CSDE1: variants seen among roughly 807,000 people sequenced by gnomAD.
The protein encoded by CSDE1 is cold shock domain containing E1.
Under a neutral mutation model 89.3 loss-of-function variants are expected in CSDE1, and 17 were observed. The observed-to-expected ratio is 0.19, with a 90% CI of 0.13 to 0.29. The LOEUF (loss-of-function observed/expected upper bound fraction) is 0.29. Ranked by LOEUF, CSDE1 falls within the 10% of genes least tolerant of loss-of-function variation. The pLI is 1.00. For synonymous variants in CSDE1, 322 were observed against 332.8 expected, an observed-to-expected ratio of 0.97 and a Z score of 0.35; for missense variants, 672 against 984.2, an observed-to-expected ratio of 0.68 and a Z score of 4.24.
At position 114,749,855 on chromosome 1, in the gene CSDE1, G is replaced by A. The variant is rs1027361836; in HGVS notation, c.-35C>T. On this transcript the variant is annotated 5_prime_UTR_variant, in exon 2 of 20. Transcript: ENST00000358528. ...ATACTCAAATATTGCACTTTCAGTAGTATTTGCTGATTCTTCTTTTTCAGC... is the reference window on the plus strand; with the variant it reads ...ATACTCAAATATTGCACTTTCAGTAATATTTGCTGATTCTTCTTTTTCAGC... 2 of 152,610 alleles carry A rather than the reference G, an allele frequency of 1.3e-5. No individual in the cohort carries two copies. The highest frequency in any genetic ancestry group is 4.8e-5 in the African/African-American group (2 of 41,438). The allele number at this position is 152,610 out of a possible 1,614,324, so 9.5% of individuals were successfully genotyped here.
At chr1:114,718,893 G>T in intron 18 of CSDE1, 148 bp from the exon 19 acceptor site, 1 of 799,002 alleles carries the variant, frequency 1.3e-6, no homozygotes, top group Non-Finnish European at 1.9e-6. Context: ...AGAAAGACAG[G>T]ACAGACAAGT....
intron 2 of CSDE1, among the ~76,000 whole-genome samples, chr1:114,741,039 C>T (rs371271342): frequency 4.6e-5 from 7 of 152,168 alleles, no homozygotes; most frequent in South Asian, 2.1e-4. Context: ...TAGGTGGTTA[C>T]GTCCTAATTC....
intron 15 of CSDE1, 107 bp from the exon 16 acceptor site, chr1:114,724,109 TG>T: frequency 8.0e-7 from 1 of 1,255,048 alleles, no homozygotes; most frequent in Non-Finnish European, 1.1e-6. Flanking sequence ...GTAGGTTGGC[TG>T]GCTGCTATTG....
In CSDE1 at chr1:114,718,011, T is replaced by A. The variant is rs957370625; in HGVS notation, c.*158A>T. On this transcript the variant is annotated 3_prime_UTR_variant, in exon 20 of 20. Transcript: ENST00000358528. ...GTTTTCTTAAATTTATTTATTTTTT[T>A]AAACATAACACGAGGAAGGTGTTAA... is the stretch of plus-strand genomic sequence containing the variant. The A allele has an allele frequency of 3.1e-6, 2 of 655,264 alleles. No homozygotes were observed. The highest frequency in any genetic ancestry group is 2.3e-5 in the South Asian group (1 of 42,754). The allele number at this position is 655,264 out of a possible 1,614,324, so 40.6% of individuals were successfully genotyped here. A position where few individuals can be genotyped will look rare whatever the true frequency, so the allele number is the denominator to read the frequency against.
At position 114,736,780 on chromosome 1, in the gene CSDE1, A is replaced by G. The variant is rs1660428319; in HGVS notation, c.478T>C (p.Phe160Leu). The G allele has an allele frequency of 6.2e-7, 1 of 1,611,984 alleles. No individual in the cohort carries two copies. The highest frequency in any genetic ancestry group is 8.5e-7 in the Non-Finnish European group (1 of 1,178,968). ...TACTGTTTATTGTTATCAATTACAA[A>G]GTTTATTTTATCTCCAGTTTCCAGC... Reference protein sequence around the residue: ...VQLETGDKINFVIDNNKHTGA... With the variant: ...VQLETGDKINLVIDNNKHTGA... The change falls in exon 6 of 20, where the codon TTT becomes CTT. Residue 160 changes from phenylalanine to leucine, a missense_variant. Around this residue, in one of 8 missense-constraint regions of CSDE1, gnomAD observed 124 missense variants for 138.7 expected, o/e 0.89. Coordinates refer to ENST00000358528, the MANE Select transcript of CSDE1 (RefSeq NM_001007553.3).
chr1:114,724,858 G>A (rs1659709860), intron 15 of CSDE1, among the ~76,000 whole-genome samples: 1 of 152,060 alleles, frequency 6.6e-6, no homozygotes, highest in Non-Finnish European at 1.5e-5. Context: ...AAGTAACTGT[G>A]ACTACAGGCA....
rs116009762 is a variant in CSDE1 at position 114,749,257 on chromosome 1, T to C, written c.-1+564A>G. Among the ~76,000 whole-genome samples the C allele has an allele frequency of 3.4e-3, 516 of 150,628 alleles. 5 individuals carry two copies. Among genetic ancestry groups the C allele is most frequent in the African/African-American group, 0.012 (497 of 40,766 alleles). Reference sequence around the variant, plus strand: ...TTTTAGCCTATATTGTGATATTGTGTAACAAATTGTTCTAAATCATTAAGT... The same window carrying C: ...TTTTAGCCTATATTGTGATATTGTGCAACAAATTGTTCTAAATCATTAAGT... On this transcript the variant is annotated intron_variant, in intron 2 of 19. Coordinates refer to ENST00000358528, the MANE Select transcript of CSDE1 (RefSeq NM_001007553.3).
Position 114,727,038 on chromosome 1 carries a change from A to G in CSDE1, c.1409T>C (p.Ile470Thr). The G allele has an allele frequency of 6.2e-7, 1 of 1,613,932 alleles. No homozygotes were observed. The highest frequency in any genetic ancestry group is 8.5e-7 in the Non-Finnish European group (1 of 1,179,872). ...TTCCACATCCTTGGCTTGAAAAGCA[A>G]TAGTCAGTTTCACCCCACAGTCATC... ...AYDDCGVKLT[I>T]AFQAKDVEGS... The change falls in exon 13 of 20, where the codon ATT (isoleucine) becomes ACT (threonine). Residue 470 changes from isoleucine to threonine, a missense_variant. Ile to Thr is a moderately conservative substitution (Grantham distance 89, BLOSUM62 -1). This residue lies in a region of CSDE1 where 108 missense variants were observed against 105.0 expected (regional missense o/e 1.03). Coordinates refer to ENST00000358528, the MANE Select transcript of CSDE1 (RefSeq NM_001007553.3).
chr1:114,737,771 T>C (rs1305797817), intron 4 of CSDE1, among the ~76,000 whole-genome samples, 192 bp downstream of exon 4: 5 of 152,162 alleles, frequency 3.3e-5, no homozygotes, highest in African/African-American at 7.2e-5. Flanking sequence ...AAAAACCCAA[T>C]TGAGTCTTGA....
intron 12 of CSDE1, among the ~76,000 whole-genome samples, chr1:114,729,872 T>C (rs1480180506): frequency 6.6e-6 from 1 of 152,218 alleles, no homozygotes; most frequent in Non-Finnish European, 1.5e-5. Flanking sequence ...AAGTTTTAAA[T>C]TGCCTGGAAG....
chr1:114,730,157 A>C, intron 12 of CSDE1, 101 bp downstream of exon 12: 1 of 1,331,120 alleles, frequency 7.5e-7, no homozygotes, highest in Non-Finnish European at 1.0e-6. Flanking sequence ...ATTCTGAAAG[A>C]GACAAACTTC....
chr1:114,741,551 CTT>C, intron 2 of CSDE1: 1 of 1,550,758 alleles, frequency 6.4e-7, no homozygotes, highest in Non-Finnish European at 8.7e-7. Context: ...TTGGGGTCCT[CTT>C]TTGTTTTTTA....
At chr1:114,738,205 A>T (rs952353160) in intron 3 of CSDE1, 133 bp from the exon 4 acceptor site, 1 of 673,088 alleles carries the variant, frequency 1.5e-6, no homozygotes, top group Non-Finnish European at 2.6e-6. Context: ...CTGGACCAGC[A>T]GCATTAACAT....
intron 12 of CSDE1, among the ~76,000 whole-genome samples, chr1:114,729,963 C>T (rs1660012839): frequency 6.6e-6 from 1 of 152,172 alleles, no homozygotes; most frequent in Admixed American, 6.5e-5. Context: ...TGTCTGGACA[C>T]ATTTTTGGCT....
chr1:114,753,430 A>T (rs1205517486), intron 1 of CSDE1, among the ~76,000 whole-genome samples: 1 of 152,182 alleles, frequency 6.6e-6, no homozygotes, highest in African/African-American at 2.4e-5. Context: ...TAGTTAACTA[A>T]ATGTTTTTCA....
At chr1:114,727,432 T>C (rs145785387) in intron 12 of CSDE1, among the ~76,000 whole-genome samples, 46 of 152,294 alleles carry the variant, frequency 3.0e-4, no homozygotes, top group Non-Finnish European at 5.6e-4. Flanking sequence ...GGAAATTCTA[T>C]AAGGGCAAGA....
rs1661709186 is a variant in CSDE1, at chr1:114,757,937, G to C, written c.-400C>G. 1 of 152,802 alleles carries C rather than the reference G, an allele frequency of 6.5e-6. No homozygotes were observed. Among genetic ancestry groups the C allele is most frequent in the Admixed American group, 6.5e-5 (1 of 15,276 alleles). The allele number at this position is 152,802 out of a possible 1,614,324, so 9.5% of individuals were successfully genotyped here. A position where few individuals can be genotyped will look rare whatever the true frequency, so the allele number is the denominator to read the frequency against. ...AGGTCGTACTCACCCCAACAGCTCA[G>C]CGCCCCCTCTCCAGCGCCGCCATAA... is the stretch of plus-strand genomic sequence containing the variant. On this transcript the variant is annotated 5_prime_UTR_variant, in exon 1 of 20. Coordinates refer to ENST00000358528, the MANE Select transcript of CSDE1 (RefSeq NM_001007553.3).
At chr1:114,750,614 C>A (rs1661251502) in intron 1 of CSDE1, among the ~76,000 whole-genome samples, 1 of 151,756 alleles carries the variant, frequency 6.6e-6, no homozygotes, top group South Asian at 2.1e-4. Flanking sequence ...GAGTATAGGA[C>A]AAAAATGCCA....
chr1:114,726,915 C>A, intron 13 of CSDE1, 68 bp downstream of exon 13: 1 of 1,003,358 alleles, frequency 1.0e-6, no homozygotes, highest in Non-Finnish European at 1.5e-6. Context: ...TTGAAGAACC[C>A]ATCCTGCAGG....
Sources: gnomAD v4.1 joint callset for allele counts (sites outside exome capture counted in the v4.1 genomes callset) on GRCh38, gnomAD v4.1.1 for gene constraint, gnomAD v4.1.1 regional missense constraint, MANE v1.5 for transcripts, NCBI Gene and HGNC (gene_info 2026-07-23, HGNC 2026-07-21) for gene names.